Variants in CCDC63 observed in about 807,000 individuals in gnomAD.
CCDC63 encodes coiled-coil domain-containing protein 63.
CCDC63 carries 54 observed loss-of-function variants against 63.6 expected under a neutral mutation model. That is an observed-to-expected ratio of 0.85 (90% CI 0.68 to 1.07). CCDC63 has a LOEUF of 1.07. Ranked by LOEUF, CCDC63 falls within the 50% of genes least tolerant of loss-of-function variation. The pLI is 0.00. For synonymous variants in CCDC63, 253 were observed against 266.1 expected (o/e 0.95, Z 0.48); for missense variants, 637 against 689.6 (o/e 0.92, Z 0.86).
chr12:110,907,250 A>G lies in CCDC63; in HGVS notation c.1547-81A>G, dbSNP rs772366358. On this transcript the variant is annotated intron_variant, in intron 11 of 11. Coordinates refer to ENST00000308208, the MANE Select transcript of CCDC63 (RefSeq NM_152591.3). This position sits in a 1 kb window ranked among gnomAD's most constrained non-coding sequence, Gnocchi z 4.4. ...TTTCCATGCTCCACTCCCCAGTGCT[A>G]TGGAGGGACGCCAAACCAGGCTTAG... is the stretch of plus-strand genomic sequence containing the variant. 1 of 1,431,356 alleles carries G rather than the reference A, an allele frequency of 7.0e-7. No individual in the cohort carries two copies. The allele number at this position is 1,431,356 out of a possible 1,614,324, so 88.7% of individuals were successfully genotyped here. A position where few individuals can be genotyped will look rare whatever the true frequency, so the allele number is the denominator to read the frequency against.
At chr12:110,903,421 CG>C (rs2071517147) in intron 10 of CCDC63, among the ~76,000 whole-genome samples, 1 of 152,210 alleles carries the variant, frequency 6.6e-6, no homozygotes, top group Non-Finnish European at 1.5e-5. Context: ...TAATGAACAT[CG>C]GGATGGCCAG....
intron 10 of CCDC63, among the ~76,000 whole-genome samples, chr12:110,899,720 C>G (rs895467776): frequency 6.7e-6 from 1 of 150,130 alleles, no homozygotes; most frequent in African/African-American, 2.5e-5. Flanking sequence ...TTGGTGTGAA[C>G]CCAGTATCTA....
chr12:110,883,174 A>T (rs1340442427), intron 7 of CCDC63, among the ~76,000 whole-genome samples: 2 of 151,808 alleles, frequency 1.3e-5, no homozygotes, highest in East Asian at 3.9e-4. Context: ...AGTAGCTGGG[A>T]CTACAGGCAC....
intron 4 of CCDC63, among the ~76,000 whole-genome samples, chr12:110,868,098 G>A (rs1393395964): frequency 1.3e-5 from 2 of 150,574 alleles, no homozygotes; most frequent in African/African-American, 2.5e-5. Context: ...CAGATGGGGC[G>A]GCGGGGCAGA....
intron 8 of CCDC63, among the ~76,000 whole-genome samples, chr12:110,886,512 C>T (rs978290501): frequency 1.3e-5 from 2 of 152,080 alleles, no homozygotes; most frequent in African/African-American, 4.8e-5. Flanking sequence ...AGGGAGCATG[C>T]GGGAGTAGCC....
In CCDC63 at chr12:110,899,081, G is replaced by A. The variant is rs1341786697; in HGVS notation, c.1298G>A (p.Gly433Glu). Residue 433 changes from glycine to glutamate, a missense_variant, in exon 10 of 12, where the codon GGG becomes GAG. Coordinates refer to ENST00000308208, the MANE Select transcript of CCDC63 (RefSeq NM_152591.3). ...GCCACCAAGATCCTGGTGCAGTTAG[G>A]GGAGACGGGGAAAGTCACTGACATC... Reference protein sequence around the residue: ...CDATKILVQLGETGKVTDINL... With the variant: ...CDATKILVQLEETGKVTDINL... 1 of 1,613,404 alleles carries A rather than the reference G, an allele frequency of 6.2e-7. No individual in the cohort carries two copies. Among genetic ancestry groups the A allele is most frequent in the Admixed American group, 1.7e-5 (1 of 59,918 alleles).
intron 11 of CCDC63, among the ~76,000 whole-genome samples, chr12:110,905,119 A>T (rs996982820): frequency 6.6e-6 from 1 of 152,174 alleles, no homozygotes; most frequent in Non-Finnish European, 1.5e-5. Flanking sequence ...TTGGCAAGTT[A>T]TGAGTAAACA....
At position 110,853,451 on chromosome 12, in the gene CCDC63, C is replaced by A. The variant is rs774363534; in HGVS notation, c.56C>A (p.Ser19Ter). ...GACTCCGACACTCCCCAGGAACCTT[C>A]GGAGAAGGCCAAAGAGCAGCAGGCG... ...RKDSDTPQEP[S>*]EKAKEQQAEA... Residue 19 changes from serine (S) to a stop codon, truncating the protein, a stop_gained, in exon 3 of 12, where the codon TCG becomes TAG. Transcript: ENST00000308208. LOFTEE classifies it high-confidence loss of function. The A allele has an allele frequency of 6.2e-7, 1 of 1,613,882 alleles. No homozygotes were observed. The highest frequency in any genetic ancestry group is 1.3e-5 in the African/African-American group (1 of 74,920).
At chr12:110,864,478 C>T (rs993517411) in intron 4 of CCDC63, among the ~76,000 whole-genome samples, 1 of 150,778 alleles carries the variant, frequency 6.6e-6, no homozygotes, top group Non-Finnish European at 1.5e-5. Context: ...AATCCCAGCA[C>T]TTTGGGAGGC....
chr12:110,855,812 C>T (rs935522780), intron 3 of CCDC63, among the ~76,000 whole-genome samples: 9 of 152,136 alleles, frequency 5.9e-5, no homozygotes, highest in Non-Finnish European at 1.2e-4. Flanking sequence ...AACTCCTGAC[C>T]TCAGGTGATC....
intron 4 of CCDC63, among the ~76,000 whole-genome samples, chr12:110,861,185 C>G (rs2070848979): frequency 6.6e-6 from 1 of 152,148 alleles, no homozygotes; most frequent in Non-Finnish European, 1.5e-5. Context: ...CCCATTGTCT[C>G]CCCCAGGTCC....
At position 110,848,379 on chromosome 12, in the gene CCDC63, G is replaced by C. The variant is rs77686801; in HGVS notation, c.-97+1274G>C. 9.8e-3 allele frequency among the ~76,000 whole-genome samples: 1,487 copies of C among 152,310 alleles called. 13 individuals carry two copies. The highest frequency in any genetic ancestry group is 0.025 in the South Asian group (121 of 4,824). On this transcript the variant is annotated intron_variant, in intron 1 of 11. Coordinates refer to ENST00000308208, the MANE Select transcript of CCDC63 (RefSeq NM_152591.3). ...TGCAGGCCAAGCTATGAGGATGGGG[G>C]TGAGGGGGTGGATCTGTTCCCCAGG...
chr12:110,890,666 T>A (rs1043062198), intron 8 of CCDC63, among the ~76,000 whole-genome samples: 2 of 152,158 alleles, frequency 1.3e-5, no homozygotes, highest in Non-Finnish European at 1.5e-5. Context: ...CAAGCCTGTT[T>A]GTAGTACTAG....
intron 4 of CCDC63, among the ~76,000 whole-genome samples, chr12:110,873,323 C>G (rs1236032382): frequency 2.0e-5 from 3 of 152,174 alleles, no homozygotes; most frequent in African/African-American, 7.2e-5. Flanking sequence ...TGGGAAGTCA[C>G]AAGGATGGAG....
chr12:110,898,446 A>G (rs1481891306), intron 9 of CCDC63, among the ~76,000 whole-genome samples: 2 of 146,704 alleles, frequency 1.4e-5, no homozygotes, highest in Non-Finnish European at 3.0e-5. Flanking sequence ...CTCTACTAAA[A>G]ATACAAAAAA....
Position 110,881,178 on chromosome 12 carries a change from C to T in CCDC63, c.735C>T (p.Tyr245=). 1.2e-6 allele frequency: 2 copies of T among 1,613,474 alleles called. No homozygotes were observed. Among genetic ancestry groups the T allele is most frequent in the Non-Finnish European group, 8.5e-7 (1 of 1,179,948 alleles). Residue 245 remains tyrosine, a synonymous_variant, in exon 7 of 12, where the codon TAC becomes TAT. Coordinates refer to ENST00000308208, the MANE Select transcript of CCDC63 (RefSeq NM_152591.3). ...KDRQKKDTSQ[Y]NLEIRELERL... ...GCCAGAAGAAGGACACCTCTCAGTACAACCTGGAGATCCGAGAGCTGGAGC... is the reference window on the plus strand; with the variant it reads ...GCCAGAAGAAGGACACCTCTCAGTATAACCTGGAGATCCGAGAGCTGGAGC...
At chr12:110,880,802 A>G (rs1460870109) in intron 6 of CCDC63, among the ~76,000 whole-genome samples, 7 of 2,720 alleles carry the variant, frequency 2.6e-3, no homozygotes, top group South Asian at 0.011. Context: ...TGATGGTGAC[A>G]ATGATGATGG....
intron 8 of CCDC63, among the ~76,000 whole-genome samples, chr12:110,885,690 C>T (rs2071270524): frequency 6.6e-6 from 1 of 152,296 alleles, no homozygotes; most frequent in South Asian, 2.1e-4. Flanking sequence ...GCACAAATGT[C>T]GCCTCCTCTG....
At chr12:110,906,717 C>T (rs367593961) in intron 11 of CCDC63, among the ~76,000 whole-genome samples, 4 of 152,026 alleles carry the variant, frequency 2.6e-5, no homozygotes, top group Non-Finnish European at 5.9e-5. Context: ...GAGACTGAAA[C>T]GCAGCAGGAG....
Sources: allele counts gnomAD v4.1 joint callset (sites outside exome capture counted in the v4.1 genomes callset), GRCh38; gene constraint gnomAD v4.1.1; non-coding constraint Gnocchi (gnomAD v3.1); transcripts MANE v1.5; gene names NCBI Gene and HGNC (gene_info 2026-07-23, HGNC 2026-07-21).